NRXN3: variants seen among roughly 807,000 people sequenced by gnomAD.
NRXN3 encodes neurexin III.
A neutral mutation model predicts 137.6 loss-of-function variants in NRXN3; 32 were observed. The ratio of observed to expected loss-of-function variants is 0.23; its 90% CI spans 0.18 to 0.31. NRXN3 has a LOEUF of 0.31. NRXN3 is among the 10% of genes least tolerant of loss of function. The pLI is 1.00. For missense variants in NRXN3, 1,574 were observed against 2,062.5 expected, an observed-to-expected ratio of 0.76 and a Z score of 4.59; for synonymous variants, 798 against 784.5, an observed-to-expected ratio of 1.02 and a Z score of -0.29.
At chr14:78,586,581 A>G (rs2097065122) in intron 4 of NRXN3, among the ~76,000 whole-genome samples, 1 of 152,214 alleles carries the variant, frequency 6.6e-6, no homozygotes, top group South Asian at 2.1e-4. Flanking sequence ...TCCTCAGCCA[A>G]GGCTCTGTAC....
At chr14:79,136,979 G>C (rs1205595577) in intron 15 of NRXN3, among the ~76,000 whole-genome samples, 1 of 152,044 alleles carries the variant, frequency 6.6e-6, no homozygotes, top group Non-Finnish European at 1.5e-5. Flanking sequence ...GCTTTGGCAG[G>C]GCTATGTTCT....
chr14:79,279,273 A>G, intron 15 of NRXN3: 1 of 874,708 alleles, frequency 1.1e-6, no homozygotes, highest in African/African-American at 1.8e-5. Flanking sequence ...CTTCCTCCGG[A>G]GCCAGCCAGT....
chr14:79,043,733 C>T (rs950447120), intron 15 of NRXN3, among the ~76,000 whole-genome samples: 16 of 152,024 alleles, frequency 1.1e-4, no homozygotes, highest in Non-Finnish European at 1.8e-4. Flanking sequence ...GCCTTACTTG[C>T]GAGAATCTAG....
At chr14:79,646,233 G>A (rs2098452933) in intron 16 of NRXN3, among the ~76,000 whole-genome samples, 1 of 134,900 alleles carries the variant, frequency 7.4e-6, no homozygotes, top group Admixed American at 7.9e-5. Context: ...TGTATCCCTT[G>A]GGATTTGGGG....
At chr14:79,211,779 G>C (rs908816918) in intron 15 of NRXN3, among the ~76,000 whole-genome samples, 1 of 152,060 alleles carries the variant, frequency 6.6e-6, no homozygotes, top group African/African-American at 2.4e-5. Flanking sequence ...AGCAACCCAA[G>C]TCCTGAAAAC....
chr14:79,573,903 A>G (rs977230231), intron 16 of NRXN3, among the ~76,000 whole-genome samples: 4 of 152,134 alleles, frequency 2.6e-5, no homozygotes, highest in African/African-American at 7.2e-5. Context: ...TGATAACAAG[A>G]TATATTATTA....
intron 15 of NRXN3, among the ~76,000 whole-genome samples, chr14:79,089,224 G>A (rs1410647323): frequency 6.6e-6 from 1 of 152,098 alleles, no homozygotes; most frequent in African/African-American, 2.4e-5. Context: ...AACTTATAGA[G>A]AAAATATGAT....
chr14:79,601,510 C>T (rs2097921269), intron 16 of NRXN3, among the ~76,000 whole-genome samples: 1 of 152,112 alleles, frequency 6.6e-6, no homozygotes, highest in African/African-American at 2.4e-5. Flanking sequence ...TTTGAACTTC[C>T]TCCCTCTTTA....
At chr14:79,472,614 A>T (rs1204146384) in intron 16 of NRXN3, among the ~76,000 whole-genome samples, 5 of 152,170 alleles carry the variant, frequency 3.3e-5, no homozygotes, top group Admixed American at 1.3e-4. Context: ...GGGTAGAGGA[A>T]TTTTTTAAAA....
At chr14:78,186,546 C>T (rs1330682134) in intron 1 of NRXN3, among the ~76,000 whole-genome samples, 1 of 152,244 alleles carries the variant, frequency 6.6e-6, no homozygotes, top group Non-Finnish European at 1.5e-5. Flanking sequence ...TTAGTGGGCC[C>T]TCACTGGGTG....
intron 19 of NRXN3, among the ~76,000 whole-genome samples, chr14:79,710,761 T>A (rs778533907): frequency 2.6e-5 from 4 of 152,230 alleles, no homozygotes; most frequent in Non-Finnish European, 4.4e-5. Context: ...TTGAACAACA[T>A]CAGTAAACAG....
intron 20 of NRXN3, among the ~76,000 whole-genome samples, chr14:79,816,681 A>T (rs1441964999): frequency 6.6e-6 from 1 of 152,224 alleles, no homozygotes; most frequent in African/African-American, 2.4e-5. Context: ...CCCATTACAT[A>T]GTTAGGTTTT....
intron 15 of NRXN3, among the ~76,000 whole-genome samples, chr14:79,333,903 A>ATCTC (rs530587042): frequency 6.6e-6 from 1 of 151,632 alleles, no homozygotes; most frequent in Non-Finnish European, 1.5e-5. Flanking sequence ...TCATGTTGCC[A>ATCTC]TCTCTCTCTC....
Position 79,644,217 on chromosome 14 carries a change from G to A in NRXN3, c.3445-19561G>A, listed in dbSNP as rs1192429166. ...TTTATCTGATGTGTAATGGCTAATT[G>A]GCTAAATTTCTTTCATAAATATTAC... On this transcript the variant is annotated intron_variant, in intron 16 of 20. Coordinates refer to ENST00000335750, the MANE Select transcript of NRXN3 (RefSeq NM_001330195.2). Among the ~76,000 whole-genome samples the A allele has an allele frequency of 2.2e-5, 3 of 135,356 alleles. 1 individual carries two copies. The highest frequency in any genetic ancestry group is 7.4e-5 in the African/African-American group (3 of 40,774). 88.8% of individuals were successfully genotyped at this position (135,356 alleles called of 152,430 possible).
At chr14:78,831,559 A>AAC (rs1555518078) in intron 10 of NRXN3, among the ~76,000 whole-genome samples, 150 of 149,314 alleles carry the variant, frequency 1.0e-3, no homozygotes, top group African/African-American at 3.4e-3. Context: ...AAAAAAAAAA[A>AAC]AACAACAACA....
At chr14:78,442,062 C>T (rs1198410193) in intron 4 of NRXN3, among the ~76,000 whole-genome samples, 1 of 149,480 alleles carries the variant, frequency 6.7e-6, no homozygotes, top group Non-Finnish European at 1.5e-5. Context: ...TGCCACTGCA[C>T]TCCATCCTGC....
At chr14:79,024,537 G>C (rs1330394118) in intron 15 of NRXN3, among the ~76,000 whole-genome samples, 4 of 152,138 alleles carry the variant, frequency 2.6e-5, no homozygotes, top group Non-Finnish European at 5.9e-5. Flanking sequence ...TTAAAGTGGA[G>C]TATAAATAGA....
chr14:78,452,556 C>A (rs1334138615), intron 4 of NRXN3, among the ~76,000 whole-genome samples: 1 of 152,130 alleles, frequency 6.6e-6, no homozygotes, highest in African/African-American at 2.4e-5. Flanking sequence ...TTTAATTTTT[C>A]CCACATTATT....
intron 6 of NRXN3, among the ~76,000 whole-genome samples, chr14:78,706,465 A>G (rs900091032): frequency 2.6e-5 from 4 of 152,296 alleles, no homozygotes; most frequent in African/African-American, 7.2e-5. Flanking sequence ...GTTAAAGATA[A>G]GCCTCACAGG....
Sources: allele counts gnomAD v4.1 joint callset (sites outside exome capture counted in the v4.1 genomes callset), GRCh38; gene constraint gnomAD v4.1.1; transcripts MANE v1.5; gene names NCBI Gene and HGNC (gene_info 2026-07-23, HGNC 2026-07-21).